Variants in CCDC102B observed in about 807,000 individuals in gnomAD.
CCDC102B encodes the protein coiled-coil domain containing 102B.
In CCDC102B, 75 loss-of-function variants were observed where a neutral mutation model predicts 57.4. The ratio of observed to expected loss-of-function variants is 1.31; its 90% CI spans 1.08 to 1.58. The LOEUF (loss-of-function observed/expected upper bound fraction) is 1.58. Ranked by LOEUF, CCDC102B falls within the 40% of genes most tolerant of loss-of-function variation. The probability of loss-of-function intolerance (pLI) is 0.00; values close to 1 mark genes in which losing one functional copy is unlikely to be tolerated. For missense variants in CCDC102B, 636 were observed against 582.6 expected (o/e 1.09, Z -0.94); for synonymous variants, 206 against 201.9 (o/e 1.02, Z -0.17).
At chr18:68,921,273 C>T (rs2041270444) in intron 6 of CCDC102B, among the ~76,000 whole-genome samples, 1 of 152,078 alleles carries the variant, frequency 6.6e-6, no homozygotes, top group South Asian at 2.1e-4. Flanking sequence ...GCAAGTCTTT[C>T]CTGTGCTGTT....
At chr18:68,754,233 C>T (rs2033965046) in intron 2 of CCDC102B, 1 of 152,114 alleles carries the variant, frequency 6.6e-6, no homozygotes, top group Non-Finnish European at 1.5e-5. Context: ...CCCTCTCTGT[C>T]TTTTAAAATC....
intron 2 of CCDC102B, among the ~76,000 whole-genome samples, chr18:68,768,356 T>C (rs998399628): frequency 1.2e-4 from 19 of 152,204 alleles, no homozygotes; most frequent in Non-Finnish European, 2.4e-4. Flanking sequence ...CCATTTATAT[T>C]CTAATTTTCA....
At chr18:69,040,115 T>C (rs2052393785) in intron 7 of CCDC102B, among the ~76,000 whole-genome samples, 1 of 151,908 alleles carries the variant, frequency 6.6e-6, no homozygotes, top group Non-Finnish European at 1.5e-5. Flanking sequence ...AATTTATCTA[T>C]TACATGAGGA....
At chr18:68,986,690 G>C (rs2050733324) in intron 6 of CCDC102B, among the ~76,000 whole-genome samples, 1 of 151,324 alleles carries the variant, frequency 6.6e-6, no homozygotes, top group Non-Finnish European at 1.5e-5. Flanking sequence ...AAGTCTCCTA[G>C]AACTGATAAA....
intron 1 of CCDC102B, among the ~76,000 whole-genome samples, chr18:68,715,833 GAA>G (rs1385531333): frequency 6.6e-6 from 1 of 152,180 alleles, no homozygotes; most frequent in African/African-American, 2.4e-5. Flanking sequence ...CGAACTAGAT[GAA>G]ATTTTTATGG....
chr18:68,800,223 C>T (rs2035796691), intron 1 of CCDC102B, among the ~76,000 whole-genome samples: 1 of 152,094 alleles, frequency 6.6e-6, no homozygotes, highest in South Asian at 2.1e-4. Flanking sequence ...CAAATAATGT[C>T]TTTCTGGCTC....
At chr18:68,726,675 A>G (rs1464935019) in intron 2 of CCDC102B, among the ~76,000 whole-genome samples, 3 of 152,218 alleles carry the variant, frequency 2.0e-5, no homozygotes, top group African/African-American at 7.2e-5. Context: ...ATGGTTTTCA[A>G]CATACATTTG....
rs1483535565 is a variant in CCDC102B, at chr18:69,054,322, C to T, written c.*185C>T. 2 of 1,245,348 alleles carry T rather than the reference C, an allele frequency of 1.6e-6. No homozygotes were observed. The highest frequency in any genetic ancestry group is 2.0e-6 in the Non-Finnish European group (2 of 995,572). 77.1% of individuals were successfully genotyped at this position (1,245,348 alleles called of 1,614,324 possible). A position where few individuals can be genotyped will look rare whatever the true frequency, so the allele number is the denominator to read the frequency against. On this transcript the variant is annotated 3_prime_UTR_variant, in exon 8 of 8. Transcript: ENST00000360242. ...TTGCCTAACAGATACTGCATATTCTCAAAAAGACAATTTAAATGTCATTTA... is the reference window on the plus strand; with the variant it reads ...TTGCCTAACAGATACTGCATATTCTTAAAAAGACAATTTAAATGTCATTTA...
At chr18:68,926,752 T>G (rs1389920533) in intron 6 of CCDC102B, among the ~76,000 whole-genome samples, 4 of 151,972 alleles carry the variant, frequency 2.6e-5, no homozygotes, top group South Asian at 4.1e-4. Context: ...ATTTGTGAAG[T>G]TAGAATTCAC....
intron 2 of CCDC102B, among the ~76,000 whole-genome samples, chr18:68,780,738 C>T (rs11876997): frequency 0.37 from 56,728 of 151,858 alleles, 11,833 homozygotes; most frequent in Non-Finnish European, 0.48. Flanking sequence ...CTGGGCCCTA[C>T]TCTACCATTT....
intron 2 of CCDC102B, among the ~76,000 whole-genome samples, chr18:68,758,257 A>G (rs906018557): frequency 3.3e-5 from 5 of 151,656 alleles, no homozygotes; most frequent in Non-Finnish European, 7.4e-5. Context: ...ATGTGTATAT[A>G]TGTATATAGA....
intron 1 of CCDC102B, among the ~76,000 whole-genome samples, chr18:68,807,109 A>T (rs73458012): frequency 0.031 from 4,726 of 152,180 alleles, 232 homozygotes; most frequent in African/African-American, 0.11. Context: ...CATTTTCTGA[A>T]CCAGTGTTCT....
chr18:68,729,159 G>A (rs988644862), intron 2 of CCDC102B, among the ~76,000 whole-genome samples: 2 of 152,194 alleles, frequency 1.3e-5, no homozygotes, highest in South Asian at 4.2e-4. Flanking sequence ...TAAAGATGTG[G>A]CAGCTATATG....
intron 2 of CCDC102B, among the ~76,000 whole-genome samples, chr18:68,740,156 C>T (rs1348411614): frequency 6.6e-6 from 1 of 152,138 alleles, no homozygotes; most frequent in African/African-American, 2.4e-5. Flanking sequence ...CCACTAGATT[C>T]CTGCAGCACC....
chr18:68,857,472 A>T (rs921512577), intron 4 of CCDC102B, among the ~76,000 whole-genome samples: 17 of 142,662 alleles, frequency 1.2e-4, no homozygotes, highest in African/African-American at 3.1e-4. Flanking sequence ...ACATTAAAAA[A>T]TTATTGTAGA....
At chr18:68,719,672 A>G (rs2032220410) in intron 2 of CCDC102B, among the ~76,000 whole-genome samples, 1 of 152,308 alleles carries the variant, frequency 6.6e-6, no homozygotes, top group African/African-American at 2.4e-5. Context: ...AACTTTTCCC[A>G]AAAACATCCT....
intron 2 of CCDC102B, among the ~76,000 whole-genome samples, chr18:68,735,661 C>T (rs1400536213): frequency 2.0e-5 from 3 of 152,152 alleles, no homozygotes; most frequent in East Asian, 1.9e-4. Context: ...CTCACACACC[C>T]GTGACTCTGC....
At chr18:69,037,642 G>A (rs962008842) in intron 7 of CCDC102B, among the ~76,000 whole-genome samples, 1 of 151,990 alleles carries the variant, frequency 6.6e-6, no homozygotes. Context: ...AAGAACATGA[G>A]CAAAGGCATG....
Position 68,760,636 on chromosome 18 carries a change from T to C in CCDC102B, c.-67+44042T>C, listed in dbSNP as rs180844140. Among the ~76,000 whole-genome samples, 145 of 152,166 alleles carry C rather than the reference T, an allele frequency of 9.5e-4. 2 individuals are homozygous for C. The highest frequency in any genetic ancestry group is 7.2e-4 in the Non-Finnish European group (49 of 67,992). On this transcript the variant is annotated intron_variant, in intron 2 of 3. Transcript: ENST00000578970. ...GATATAACCATTGCCCAGTGTCACA[T>C]TGTCACTATAAAAGCAAATGCGTGG...
Sources: gnomAD v4.1 joint callset for allele counts (sites outside exome capture counted in the v4.1 genomes callset) on GRCh38, gnomAD v4.1.1 for gene constraint, MANE v1.5 for transcripts, NCBI Gene and HGNC (gene_info 2026-07-23, HGNC 2026-07-21) for gene names.